NDUFV1: variants seen among roughly 807,000 people sequenced by gnomAD.
NDUFV1 encodes the protein NADH:ubiquinone oxidoreductase core subunit V1.
A neutral mutation model predicts 48.7 loss-of-function variants in NDUFV1; 41 were observed. That is an observed-to-expected ratio of 0.84 (90% confidence interval 0.66 to 1.09). NDUFV1 has a LOEUF of 1.09. Among genes scored for constraint, NDUFV1 ranks in the 50% least tolerant of loss-of-function variants. The pLI is 0.00. For synonymous variants in NDUFV1, 231 were observed against 259.1 expected (o/e 0.89, Z 1.04); for missense variants, 580 against 645.4 (o/e 0.90, Z 1.10).
rs1252642795 is a variant in NDUFV1, at chr11:67,609,644, G to A, written c.510+9G>A. Reference sequence around the variant, plus strand: ...AGGCCTCCAATCTGCAGGTGGGTAGGGAGAGATGTAGACAGATGAGAAGGT... The same window carrying A: ...AGGCCTCCAATCTGCAGGTGGGTAGAGAGAGATGTAGACAGATGAGAAGGT... On this transcript the variant is annotated intron_variant, in intron 4 of 9. Coordinates refer to ENST00000322776, the MANE Select transcript of NDUFV1 (RefSeq NM_007103.4). The A allele has an allele frequency of 6.2e-7, 1 of 1,601,540 alleles. No individual in the cohort carries two copies. Among genetic ancestry groups the A allele is most frequent in the African/African-American group, 1.3e-5 (1 of 74,924 alleles).
Position 67,612,341 on chromosome 11 carries a change from CTG to C in NDUFV1, c.1309-29_1309-28del. 2 of 1,613,858 alleles carry C rather than the reference CTG, an allele frequency of 1.2e-6. No homozygotes were observed. On this transcript the variant is annotated intron_variant, in intron 9 of 9. Transcript: ENST00000322776. The surrounding 1 kb of genome is among the most constrained non-coding windows in gnomAD (Gnocchi z 4.4). ...CAGGGTGTTGGGGGATTTTTGGACTCTGTTTCACATGGTCCCCCCACCGACCC... is the reference window on the plus strand; with the variant it reads ...CAGGGTGTTGGGGGATTTTTGGACTCTTTCACATGGTCCCCCCACCGACCC...
intron 1 of NDUFV1, chr11:67,608,169 T>C (rs1854844796): frequency 1.7e-6 from 1 of 572,934 alleles, no homozygotes; most frequent in Non-Finnish European, 3.1e-6. Flanking sequence ...GAGTTTGCAG[T>C]GAGCTGAGAT....
chr11:67,611,709 G>A lies in NDUFV1; in HGVS notation c.1080+140G>A, dbSNP rs1348442136. 1.4e-6 allele frequency: 2 copies of A among 1,421,988 alleles called. No individual in the cohort carries two copies. Among genetic ancestry groups the A allele is most frequent in the East Asian group, 2.5e-5 (1 of 40,494 alleles). The allele number at this position is 1,421,988 out of a possible 1,614,324, so 88.1% of individuals were successfully genotyped here. On this transcript the variant is annotated intron_variant, in intron 7 of 9. Coordinates refer to ENST00000322776, the MANE Select transcript of NDUFV1 (RefSeq NM_007103.4). This position sits in a 1 kb window ranked among gnomAD's most constrained non-coding sequence, Gnocchi z 4.2. Reference sequence around the variant, plus strand: ...TAAAGCAAGGTGGAAGAGGAGGGAGGAAGGCTGCTCTGAGGAGAATACCCC... The same window carrying A: ...TAAAGCAAGGTGGAAGAGGAGGGAGAAAGGCTGCTCTGAGGAGAATACCCC...
chr11:67,611,680 G>C lies in NDUFV1; in HGVS notation c.1080+111G>C. 1 of 1,499,142 alleles carries C rather than the reference G, an allele frequency of 6.7e-7. No individual in the cohort carries two copies. Among genetic ancestry groups the C allele is most frequent in the Non-Finnish European group, 9.0e-7 (1 of 1,106,066 alleles). 92.9% of individuals were successfully genotyped at this position (1,499,142 alleles called of 1,614,324 possible). ...ACTCAGGTCTCAGTTCCTGCAGCCT[G>C]AGATAAAGCAAGGTGGAAGAGGAGG... On this transcript the variant is annotated intron_variant, in intron 7 of 9. Transcript: ENST00000322776. This position sits in a 1 kb window ranked among gnomAD's most constrained non-coding sequence, Gnocchi z 4.2.
Position 67,610,649 on chromosome 11 carries a change from T to G in NDUFV1, c.700+79T>G. The G allele has an allele frequency of 1.9e-6, 3 of 1,555,562 alleles. No homozygotes were observed. The South Asian group carries it at 3.4e-5, about 18-fold the overall frequency. ...GGCTAGGCTCCCTTTGGATTGTTCTTAGGGATTTCTGAGTGGCTTCCCGGC... is the reference window on the plus strand; with the variant it reads ...GGCTAGGCTCCCTTTGGATTGTTCTGAGGGATTTCTGAGTGGCTTCCCGGC... On this transcript the variant is annotated intron_variant, in intron 5 of 9. Coordinates refer to ENST00000322776, the MANE Select transcript of NDUFV1 (RefSeq NM_007103.4).
chr11:67,611,908 G>T lies in NDUFV1; in HGVS notation c.1092G>T (p.Val364=). The T allele has an allele frequency of 6.2e-7, 1 of 1,614,082 alleles. No individual in the cohort carries two copies. The highest frequency in any genetic ancestry group is 8.5e-7 in the Non-Finnish European group (1 of 1,180,004). Residue 364 remains valine, a synonymous_variant, in exon 8 of 10, where the codon GTG becomes GTT. Coordinates refer to ENST00000322776, the MANE Select transcript of NDUFV1 (RefSeq NM_007103.4). The surrounding 1 kb of genome is among the most constrained non-coding windows in gnomAD (Gnocchi z 4.2). ...CCCTCGTCACCCAGACGGACATCGT[G>T]AAAGCCATCGCCCGCCTCATTGAGT... ...VIVMDRSTDI[V]KAIARLIEFY...
chr11:67,607,125 C>G (rs1463835285), intron 1 of NDUFV1, 49 bp downstream of exon 1: 1 of 1,561,748 alleles, frequency 6.4e-7, no homozygotes, highest in Admixed American at 1.8e-5. Context: ...CCGGGTGTCG[C>G]GGCCGCGCCC....
In NDUFV1 at chr11:67,611,586, C is replaced by T. The variant is rs772318029; in HGVS notation, c.1080+17C>T. ...GACCGCTCGGTAAGGGTTCACACAC[C>T]AGCCCTGGTCCCTGCCCTCCTGGTT... On this transcript the variant is annotated intron_variant, in intron 7 of 9. Transcript: ENST00000322776. The surrounding 1 kb of genome is among the most constrained non-coding windows in gnomAD (Gnocchi z 4.2). 3 of 1,593,512 alleles carry T rather than the reference C, an allele frequency of 1.9e-6. No individual in the cohort carries two copies. The highest frequency in any genetic ancestry group is 2.7e-5 in the African/African-American group (2 of 74,648).
chr11:67,607,164 T>C, intron 1 of NDUFV1, 88 bp downstream of exon 1: 1 of 1,410,898 alleles, frequency 7.1e-7, no homozygotes, highest in Non-Finnish European at 9.7e-7. Context: ...GGGTCTGTAG[T>C]GGCCTCTGGA....
intron 4 of NDUFV1, chr11:67,609,837 A>AT (rs4148962): frequency 0.023 from 9,908 of 427,924 alleles, no homozygotes; most frequent in Middle Eastern, 0.032. Context: ...GCTGGTGTAA[A>AT]TTTTTTTTTT....
chr11:67,611,556 T>C lies in NDUFV1; in HGVS notation c.1067T>C (p.Val356Ala). The C allele has an allele frequency of 2.5e-6, 4 of 1,607,172 alleles. No individual in the cohort carries two copies. Among genetic ancestry groups the C allele is most frequent in the Non-Finnish European group, 3.4e-6 (4 of 1,176,864 alleles). ...GGCCTGGGCACAGCTGCGGTGATCG[T>C]CATGGACCGCTCGGTAAGGGTTCAC... is the stretch of plus-strand genomic sequence containing the variant. ...QTGLGTAAVI[V>A]MDRSTDIVKA... is the part of the protein sequence containing the mutation. The change falls in exon 7 of 10, where the codon GTC (valine) becomes GCC (alanine). Residue 356 changes from valine to alanine, a missense_variant. Val to Ala is a moderately conservative substitution (Grantham distance 64). Transcript: ENST00000322776. The surrounding 1 kb of genome is among the most constrained non-coding windows in gnomAD (Gnocchi z 4.2).
At position 67,611,334 on chromosome 11, in the gene NDUFV1, A is replaced by G; in HGVS notation, c.914-69A>G. ...AGGGGCTGACTAAGGGCCTGGGCTC[A>G]GGACTAGGCAGGTGTGCCGGCCCCA... On this transcript the variant is annotated intron_variant, in intron 6 of 9. Coordinates refer to ENST00000322776, the MANE Select transcript of NDUFV1 (RefSeq NM_007103.4). The surrounding 1 kb of genome is among the most constrained non-coding windows in gnomAD (Gnocchi z 4.2). 6.3e-7 allele frequency: 1 copy of G among 1,598,308 alleles called. No individual in the cohort carries two copies. The highest frequency in any genetic ancestry group is 8.5e-7 in the Non-Finnish European group (1 of 1,170,448).
rs1474526169 is a variant in NDUFV1, at chr11:67,610,404, G to C, written c.534G>C (p.Glu178Asp). ...AGGTGGCCATCCGAGAGGCCTATGA[G>C]GCAGGTCTGATTGGCAAGAATGCTT... ...NLQVAIREAY[E>D]AGLIGKNACG... Residue 178 changes from glutamate to aspartate, a missense_variant, in exon 5 of 10, where the codon GAG (glutamate) becomes GAC (aspartate). Transcript: ENST00000322776. 4 of 1,614,172 alleles carry C rather than the reference G, an allele frequency of 2.5e-6. No homozygotes were observed. In the Admixed American group the frequency reaches 5.0e-5, roughly 20 times the overall value.
In NDUFV1 at chr11:67,608,408, A is replaced by T; in HGVS notation, c.85A>T (p.Lys29Ter). ...TTTGTCTCCCTAGACAGCACCCAAG[A>T]AAACCTCATTTGGCTCGCTGAAGGA... The part of the protein sequence containing the change: ...RFSGDTTAPK[K>*]TSFGSLKDED... Residue 29 changes from lysine to a stop codon, truncating the protein, a stop_gained, in exon 2 of 10, where the codon AAA (lysine) becomes TAA (stop). Transcript: ENST00000322776. LOFTEE classifies it high-confidence loss of function. The T allele has an allele frequency of 1.2e-6, 2 of 1,614,030 alleles. No homozygotes were observed. The highest frequency in any genetic ancestry group is 2.2e-5 in the South Asian group (2 of 91,074).
rs1243666235 is a variant in NDUFV1 at position 67,612,492 on chromosome 11, C to T, written c.*34C>T. 1 of 1,597,294 alleles carries T rather than the reference C, an allele frequency of 6.3e-7. No homozygotes were observed. Among genetic ancestry groups the T allele is most frequent in the Non-Finnish European group, 8.5e-7 (1 of 1,171,302 alleles). On this transcript the variant is annotated 3_prime_UTR_variant, in exon 10 of 10. Transcript: ENST00000322776. This position sits in a 1 kb window ranked among gnomAD's most constrained non-coding sequence, Gnocchi z 4.4. ...CCTGGCCTGCTGTCCTGCGTCTATCCATGTGGAATGCTGGACAATAAAGCG... is the reference window on the plus strand; with the variant it reads ...CCTGGCCTGCTGTCCTGCGTCTATCTATGTGGAATGCTGGACAATAAAGCG...
intron 2 of NDUFV1, 30 bp downstream of exon 2, chr11:67,608,508 C>T (rs546172965): frequency 2.5e-6 from 4 of 1,614,160 alleles, no homozygotes; most frequent in South Asian, 2.2e-5. Context: ...GTGTTGGGTC[C>T]CGGAGCAAGG....
At position 67,609,588 on chromosome 11, in the gene NDUFV1, T is replaced by C; in HGVS notation, c.463T>C (p.Tyr155His). The change falls in exon 4 of 10, where the codon TAT becomes CAT. Residue 155 changes from tyrosine (Y) to histidine (H), a missense_variant. Transcript: ENST00000322776. The stretch of plus-strand genomic sequence containing the variant: ...CCGGGCCATGGGCGCCCGCGCTGCC[T>C]ATATCTACATCCGAGGGGAATTCTA... ...GGRAMGARAA[Y>H]IYIRGEFYNE... 1 of 1,610,850 alleles carries C rather than the reference T, an allele frequency of 6.2e-7. No homozygotes were observed. The highest frequency in any genetic ancestry group is 1.1e-5 in the South Asian group (1 of 91,090).
chr11:67,610,747 C>A, intron 5 of NDUFV1, 177 bp downstream of exon 5: 2 of 894,136 alleles, frequency 2.2e-6, no homozygotes, highest in Non-Finnish European at 3.5e-6. Flanking sequence ...CCTCCTCCTG[C>A]CTCGGTCCCC....
In NDUFV1 at chr11:67,610,832, C is replaced by T. The variant is rs549666602; in HGVS notation, c.701-163C>T. ...GGCTAAGGGCATGGGGTGAACAAGG[C>T]AATGGGCATCTCTGGAGTTTGGGGT... is the stretch of plus-strand genomic sequence containing the variant. On this transcript the variant is annotated intron_variant, in intron 5 of 9. Coordinates refer to ENST00000322776, the MANE Select transcript of NDUFV1 (RefSeq NM_007103.4). 335 of 782,704 alleles carry T rather than the reference C, an allele frequency of 4.3e-4. 1 individual carries two copies. In the Middle Eastern group the frequency reaches 5.1e-3, roughly 12 times the overall value. The allele number at this position is 782,704 out of a possible 1,614,324, so 48.5% of individuals were successfully genotyped here.
Sources: gnomAD v4.1 joint callset for allele counts on GRCh38, gnomAD v4.1.1 for gene constraint, Gnocchi (gnomAD v3.1) non-coding constraint, MANE v1.5 for transcripts, NCBI Gene and HGNC (gene_info 2026-07-23, HGNC 2026-07-21) for gene names.